The following LPIN1 variants were observed in gnomAD, a reference collection of about 807,000 sequenced individuals.
LPIN1 encodes the protein lipin 1, also known as phosphatidate phosphatase LPIN1.
Under a neutral mutation model 107.5 loss-of-function variants are expected in LPIN1, and 71 were observed. The observed-to-expected ratio is 0.66, with a 90% CI of 0.55 to 0.80. LPIN1 has a LOEUF of 0.80. Ranked by LOEUF, LPIN1 falls within the 30% of genes least tolerant of loss-of-function variation. The pLI, the probability that LPIN1 is intolerant of heterozygous loss-of-function variation, is 0.00. For synonymous variants in LPIN1, 445 were observed against 452.6 expected, an observed-to-expected ratio of 0.98 and a Z score of 0.21; for missense variants, 1,043 against 1,160.6, an observed-to-expected ratio of 0.90 and a Z score of 1.47.
chr2:11,816,965 G>T (rs373264799), intron 18 of LPIN1: 1 of 150,278 alleles, frequency 6.7e-6, no homozygotes, highest in Non-Finnish European at 1.5e-5. Context: ...CCCTCCCTGT[G>T]TCCATGTGTT....
In LPIN1 at chr2:11,707,363, C is replaced by T. The variant is rs565078585; in HGVS notation, c.82-6393C>T. Reference sequence around the variant, plus strand: ...CAGAGGAACAGCTCATGCACAGTCTCTGAGGTGGAAGAAGCCACCATGGAT... The same window carrying T: ...CAGAGGAACAGCTCATGCACAGTCTTTGAGGTGGAAGAAGCCACCATGGAT... On this transcript the variant is annotated intron_variant, in intron 1 of 21. Transcript: ENST00000449576. The surrounding 1 kb of genome is among the most constrained non-coding windows in gnomAD (Gnocchi z 4.2). Among the ~76,000 whole-genome samples the T allele has an allele frequency of 1.1e-4, 17 of 152,254 alleles. No homozygotes were observed. In the South Asian group the frequency reaches 3.5e-3, roughly 32 times the overall value.
chr2:11,730,584 T>A lies in LPIN1; in HGVS notation c.-72+6045T>A, dbSNP rs142121347. ...CACTTTATAATTTTCTCTTGAAAGCTGGACATCTTGTGTAGAACTGTAGAA... is the reference window on the plus strand; with the variant it reads ...CACTTTATAATTTTCTCTTGAAAGCAGGACATCTTGTGTAGAACTGTAGAA... On this transcript the variant is annotated intron_variant, in intron 1 of 21. Coordinates refer to the LPIN1 transcript ENST00000396097. 2.8e-4 allele frequency among the ~76,000 whole-genome samples: 42 copies of A among 152,372 alleles called. No homozygotes were observed. The East Asian group carries it at 7.5e-3, about 27-fold the overall frequency.
chr2:11,780,507 A>T (rs760613495), intron 7 of LPIN1, among the ~76,000 whole-genome samples: 4 of 152,216 alleles, frequency 2.6e-5, no homozygotes, highest in Non-Finnish European at 5.9e-5. Context: ...AGAAAACCTT[A>T]AGGTTTTGAT....
intron 1 of LPIN1, among the ~76,000 whole-genome samples, chr2:11,729,347 T>A (rs1352182385): frequency 6.6e-6 from 1 of 152,228 alleles, no homozygotes; most frequent in Non-Finnish European, 1.5e-5. Context: ...TAATTTACCT[T>A]AAAATAATAC....
At chr2:11,700,031 G>A (rs776060773) in intron 1 of LPIN1, among the ~76,000 whole-genome samples, 1 of 152,214 alleles carries the variant, frequency 6.6e-6, no homozygotes, top group Non-Finnish European at 1.5e-5. Flanking sequence ...CACATGGTAG[G>A]TGTGTCTTTC....
intron 1 of LPIN1, among the ~76,000 whole-genome samples, chr2:11,731,830 G>GGT (rs1558765701): frequency 6.7e-6 from 1 of 149,588 alleles, no homozygotes; most frequent in Non-Finnish European, 1.5e-5. Context: ...GTGATGATGA[G>GGT]TTTTTTTTTT....
intron 17 of LPIN1, among the ~76,000 whole-genome samples, chr2:11,806,563 C>G (rs976082837): frequency 2.0e-5 from 3 of 152,084 alleles, no homozygotes; most frequent in Admixed American, 6.6e-5. Flanking sequence ...AGATTCCCCC[C>G]CATCTCTCTA....
chr2:11,685,267 G>A (rs1194748869), intron 1 of LPIN1, among the ~76,000 whole-genome samples: 2 of 152,180 alleles, frequency 1.3e-5, no homozygotes, highest in Non-Finnish European at 2.9e-5. Context: ...CTGAGAGGAC[G>A]GGAAAAGTGG....
intron 20 of LPIN1, among the ~76,000 whole-genome samples, chr2:11,821,667 T>G (rs544996685): frequency 6.6e-6 from 1 of 152,314 alleles, no homozygotes; most frequent in South Asian, 2.1e-4. Flanking sequence ...GATAGAGAGA[T>G]AAGTTCTCTC....
At chr2:11,713,887 C>T in intron 2 of LPIN1, 1 of 1,088,260 alleles carries the variant, frequency 9.2e-7, no homozygotes, top group East Asian at 2.6e-5. Flanking sequence ...CCATGTCCAG[C>T]TGTGGTTTGT....
upstream of LPIN1, chr2:11,724,280 TG>T: frequency 1.1e-6 from 1 of 913,322 alleles, no homozygotes; most frequent in Non-Finnish European, 1.3e-6. Context: ...ATAGTCCCCG[TG>T]GGGGGCATCA....
chr2:11,791,848 T>C (rs1675798563), intron 12 of LPIN1, 66 bp from the exon 13 acceptor site: 2 of 1,584,984 alleles, frequency 1.3e-6, no homozygotes, highest in Non-Finnish European at 8.6e-7. Context: ...ATGTTTCTTT[T>C]GGTTTGAATG....
At chr2:11,756,847 A>C (rs973584908) in intron 1 of LPIN1, among the ~76,000 whole-genome samples, 1 of 152,226 alleles carries the variant, frequency 6.6e-6, no homozygotes, top group Non-Finnish European at 1.5e-5. Context: ...TCTAACCCAG[A>C]GGTATCTGGA....
chr2:11,716,255 A>G (rs1029830873), intron 2 of LPIN1, among the ~76,000 whole-genome samples: 4 of 152,102 alleles, frequency 2.6e-5, no homozygotes, highest in Non-Finnish European at 5.9e-5. Context: ...CTCTCCTTCT[A>G]TCCCGGCATT....
rs1451937768 is a variant in LPIN1 at position 11,825,335 on chromosome 2, G to C, written c.*544G>C. On this transcript the variant is annotated 3_prime_UTR_variant, in exon 21 of 21. Transcript: ENST00000674199. The surrounding 1 kb of genome is among the most constrained non-coding windows in gnomAD (Gnocchi z 4.1). ...CTGATAGAAATCTGGACGCCACCGG[G>C]TCCAGGCCTGGCCTCAGACTTGGCC... 6.3e-6 allele frequency: 1 copy of C among 158,828 alleles called. No individual in the cohort carries two copies. Among genetic ancestry groups the C allele is most frequent in the Non-Finnish European group, 1.4e-5 (1 of 71,842 alleles). 9.8% of individuals were successfully genotyped at this position (158,828 alleles called of 1,614,324 possible).
intron 2 of LPIN1, among the ~76,000 whole-genome samples, chr2:11,716,871 G>T (rs921351427): frequency 6.6e-6 from 1 of 152,174 alleles, no homozygotes; most frequent in Non-Finnish European, 1.5e-5. Context: ...TACACCAGAA[G>T]CAACACCATT....
At chr2:11,823,954 T>C (rs987858007) in intron 20 of LPIN1, among the ~76,000 whole-genome samples, 3 of 152,232 alleles carry the variant, frequency 2.0e-5, no homozygotes, top group Non-Finnish European at 4.4e-5. Context: ...TTGACCGTCA[T>C]GCCAACCAGG....
intron 18 of LPIN1, among the ~76,000 whole-genome samples, chr2:11,815,455 C>T (rs1454374997): frequency 6.6e-6 from 1 of 152,146 alleles, no homozygotes; most frequent in Non-Finnish European, 1.5e-5. Context: ...GAGCTTGGCG[C>T]TTGGTGGCTC....
intron 13 of LPIN1, among the ~76,000 whole-genome samples, chr2:11,793,938 C>T (rs527329070): frequency 6.6e-6 from 1 of 152,258 alleles, no homozygotes; most frequent in African/African-American, 2.4e-5. Flanking sequence ...GTTGAGGGCA[C>T]GCTGATTACT....
Sources: gnomAD v4.1 joint callset for allele counts (sites outside exome capture counted in the v4.1 genomes callset) on GRCh38, gnomAD v4.1.1 for gene constraint, Gnocchi (gnomAD v3.1) non-coding constraint, MANE v1.5 for transcripts, NCBI Gene and HGNC (gene_info 2026-07-23, HGNC 2026-07-21) for gene names.